The following CSNK2A2IP variants were observed in gnomAD, a reference collection of about 807,000 sequenced individuals.
CSNK2A2IP encodes casein kinase 2 subunit alpha' interacting protein.
At chr3:88,397,650 G>C in the CSNK2A2IP span, among the ~76,000 whole-genome samples, 2 of 151,874 alleles carry the variant, frequency 1.3e-5, no homozygotes, top group South Asian at 2.1e-4. Flanking sequence ...AAATAGGGGT[G>C]ATGTGTTATA....
chr3:88,385,501 A>C, the CSNK2A2IP span, among the ~76,000 whole-genome samples: 2 of 133,726 alleles, frequency 1.5e-5, no homozygotes, highest in Non-Finnish European at 3.5e-5. Context: ...GTAAACAACT[A>C]TGAAATAACT....
At chr3:88,360,494 T>A in the CSNK2A2IP span, among the ~76,000 whole-genome samples, 6 of 152,280 alleles carry the variant, frequency 3.9e-5, no homozygotes, top group Non-Finnish European at 8.8e-5. Context: ...TGCTCTTTTT[T>A]TTGGTTTTCA....
chr3:88,398,734 A>G, the CSNK2A2IP span, among the ~76,000 whole-genome samples: 2 of 152,204 alleles, frequency 1.3e-5, no homozygotes, highest in Non-Finnish European at 2.9e-5. Flanking sequence ...TTGAGATACT[A>G]TAAAGACATC....
At chr3:88,460,723 A>C in the CSNK2A2IP span, among the ~76,000 whole-genome samples, 3 of 152,044 alleles carry the variant, frequency 2.0e-5, no homozygotes, top group African/African-American at 4.8e-5. Flanking sequence ...CCAACTCTCT[A>C]CCTCCTCAAG....
the CSNK2A2IP span, among the ~76,000 whole-genome samples, chr3:88,370,434 A>T: frequency 6.6e-6 from 1 of 151,890 alleles, no homozygotes; most frequent in Non-Finnish European, 1.5e-5. Flanking sequence ...TAAGATCTCA[A>T]TGACTTCTGT....
At chr3:88,450,025 G>T in the CSNK2A2IP span, among the ~76,000 whole-genome samples, 1 of 149,938 alleles carries the variant, frequency 6.7e-6, no homozygotes, top group Non-Finnish European at 1.5e-5. Flanking sequence ...GCATGACCAC[G>T]CCTGGCTAAC....
At chr3:88,425,550 A>C in the CSNK2A2IP span, among the ~76,000 whole-genome samples, 1 of 152,118 alleles carries the variant, frequency 6.6e-6, no homozygotes, top group Admixed American at 6.6e-5. Flanking sequence ...TGTATAACTA[A>C]TATACAAACT....
the CSNK2A2IP span, among the ~76,000 whole-genome samples, chr3:88,423,226 C>A: frequency 6.6e-6 from 1 of 152,128 alleles, no homozygotes; most frequent in South Asian, 2.1e-4. Context: ...TTTTTAAATT[C>A]ATTGTCCCTA....
At chr3:88,461,882 AGGTG>A in the CSNK2A2IP span, among the ~76,000 whole-genome samples, 7 of 152,002 alleles carry the variant, frequency 4.6e-5, no homozygotes, top group African/African-American at 1.7e-4. Flanking sequence ...CTGAGACTAC[AGGTG>A]CGAATCAATA....
the CSNK2A2IP span, among the ~76,000 whole-genome samples, chr3:88,407,292 C>CAAAAA: frequency 1.9e-5 from 2 of 102,944 alleles, no homozygotes; most frequent in Admixed American, 1.2e-4. Flanking sequence ...CAGAAAAGTC[C>CAAAAA]AAAAAAAAAA....
the CSNK2A2IP span, among the ~76,000 whole-genome samples, chr3:88,373,521 C>G: frequency 6.7e-6 from 1 of 149,784 alleles, no homozygotes; most frequent in South Asian, 2.1e-4. Context: ...AAATTCTTCC[C>G]CCACAAAAGA....
chr3:88,360,788 G>C, the CSNK2A2IP span, among the ~76,000 whole-genome samples: 1 of 151,322 alleles, frequency 6.6e-6, no homozygotes, highest in Admixed American at 6.6e-5. Flanking sequence ...TGTATAAGTG[G>C]ATTTCTCTGG....
At chr3:88,431,327 CTAT>C in the CSNK2A2IP span, 1 of 152,108 alleles carries the variant, frequency 6.6e-6, no homozygotes, top group African/African-American at 2.4e-5. Context: ...ATATTGGAGA[CTAT>C]TATTTTAAGT....
chr3:88,413,660 AGGTATT>A, the CSNK2A2IP span, among the ~76,000 whole-genome samples: 6 of 151,934 alleles, frequency 3.9e-5, no homozygotes, highest in Non-Finnish European at 8.8e-5. Context: ...GATAGGCAAT[AGGTATT>A]GCAGAGCTGT....
the CSNK2A2IP span, chr3:88,466,003 C>T: frequency 8.1e-7 from 1 of 1,231,680 alleles, no homozygotes; most frequent in Non-Finnish European, 1.0e-6. Flanking sequence ...CTCGACATTG[C>T]TTCAATCCAA....
the CSNK2A2IP span, among the ~76,000 whole-genome samples, chr3:88,387,288 A>G: frequency 6.6e-6 from 1 of 151,452 alleles, no homozygotes; most frequent in South Asian, 2.1e-4. Context: ...CAGCCCCCCG[A>G]GTAGCTAAGA....
chr3:88,348,854 T>A, the CSNK2A2IP span, among the ~76,000 whole-genome samples: 1 of 152,106 alleles, frequency 6.6e-6, no homozygotes, highest in Non-Finnish European at 1.5e-5. Context: ...TCTATTGCTG[T>A]GAGTTGTACC....
chr3:88,339,522 T>G, the CSNK2A2IP span, among the ~76,000 whole-genome samples: 67 of 152,090 alleles, frequency 4.4e-4, no homozygotes, highest in Non-Finnish European at 9.0e-4. Context: ...CAGATACCTC[T>G]TTGATATGTT....
At chr3:88,440,361 C>T in the CSNK2A2IP span, among the ~76,000 whole-genome samples, 1 of 152,042 alleles carries the variant, frequency 6.6e-6, no homozygotes, top group East Asian at 1.9e-4. Flanking sequence ...TGGTAACATA[C>T]AATAGCTTAT....
Sources: allele counts gnomAD v4.1 joint callset (sites outside exome capture counted in the v4.1 genomes callset), GRCh38; gene constraint gnomAD v4.1.1; transcripts MANE v1.5; gene names NCBI Gene and HGNC (gene_info 2026-07-23, HGNC 2026-07-21).